Variants in SEMA3A observed in about 807,000 individuals in gnomAD.
SEMA3A encodes the protein semaphorin 3A.
SEMA3A carries 29 observed loss-of-function variants against 97.9 expected under a neutral mutation model. The observed-to-expected ratio is 0.30, with a 90% CI of 0.22 to 0.40. The LOEUF (loss-of-function observed/expected upper bound fraction) is 0.40. Ranked by LOEUF, SEMA3A falls within the 10% of genes least tolerant of loss-of-function variation. The pLI, the probability that SEMA3A is intolerant of heterozygous loss-of-function variation, is 1.00. For missense variants in SEMA3A, 763 were observed against 951.3 expected (o/e 0.80, Z 2.60); for synonymous variants, 321 against 323.7 (o/e 0.99, Z 0.09).
intron 2 of SEMA3A, among the ~76,000 whole-genome samples, chr7:84,326,285 T>C (rs892014493): frequency 6.6e-6 from 1 of 152,150 alleles, no homozygotes; most frequent in African/African-American, 2.4e-5. Context: ...ACTAAATAAG[T>C]ATTTCTGATC....
chr7:84,017,609 T>C (rs1449129280), intron 6 of SEMA3A, among the ~76,000 whole-genome samples: 1 of 152,190 alleles, frequency 6.6e-6, no homozygotes, highest in African/African-American at 2.4e-5. Context: ...GCTGATCTCT[T>C]CCAACAATTT....
At chr7:84,274,687 C>G (rs939047071) in intron 3 of SEMA3A, among the ~76,000 whole-genome samples, 8 of 151,816 alleles carry the variant, frequency 5.3e-5, no homozygotes, top group African/African-American at 1.7e-4. Flanking sequence ...TAAAATACCC[C>G]AAAGATACGT....
At chr7:84,231,503 G>T (rs1208679680) in intron 3 of SEMA3A, among the ~76,000 whole-genome samples, 4 of 151,914 alleles carry the variant, frequency 2.6e-5, no homozygotes, top group South Asian at 2.1e-4. Context: ...TAAACAAGGT[G>T]GTAACAGCAT....
chr7:83,992,379 C>T (rs1172062662), intron 12 of SEMA3A, among the ~76,000 whole-genome samples: 1 of 138,726 alleles, frequency 7.2e-6, no homozygotes, highest in Non-Finnish European at 1.6e-5. Context: ...TGTGTTTGCT[C>T]TTGCTTTTCT....
At chr7:84,105,318 T>G (rs1275529639) in intron 4 of SEMA3A, among the ~76,000 whole-genome samples, 1 of 152,200 alleles carries the variant, frequency 6.6e-6, no homozygotes, top group African/African-American at 2.4e-5. Flanking sequence ...ACCTAGTACT[T>G]AAATAACATT....
chr7:84,326,981 A>G (rs1801789989), intron 2 of SEMA3A, among the ~76,000 whole-genome samples: 2 of 152,088 alleles, frequency 1.3e-5, no homozygotes, highest in Admixed American at 1.3e-4. Flanking sequence ...GGATCTAATT[A>G]AACTTAAGAG....
chr7:84,425,565 A>C (rs893331515), intron 1 of SEMA3A, among the ~76,000 whole-genome samples: 2 of 145,722 alleles, frequency 1.4e-5, no homozygotes, highest in Non-Finnish European at 3.0e-5. Context: ...TATTTATATG[A>C]GTATAAACAT....
intron 1 of SEMA3A, among the ~76,000 whole-genome samples, chr7:84,391,240 C>G (rs1251408100): frequency 6.6e-6 from 1 of 152,088 alleles, no homozygotes; most frequent in African/African-American, 2.4e-5. Context: ...TATGTGTCAG[C>G]AATTGATGTT....
At chr7:84,424,451 T>A (rs1804689265) in intron 1 of SEMA3A, among the ~76,000 whole-genome samples, 1 of 124,016 alleles carries the variant, frequency 8.1e-6, no homozygotes, top group South Asian at 2.3e-4. Flanking sequence ...ATATATAATA[T>A]AATAATACAA....
At chr7:84,361,825 A>C (rs1802729129) in intron 2 of SEMA3A, among the ~76,000 whole-genome samples, 2 of 152,032 alleles carry the variant, frequency 1.3e-5, no homozygotes, top group Admixed American at 1.3e-4. Flanking sequence ...AGGACTCTGC[A>C]GAGGAGACGG....
At chr7:84,336,122 T>C (rs1311258470) in intron 2 of SEMA3A, among the ~76,000 whole-genome samples, 1 of 152,098 alleles carries the variant, frequency 6.6e-6, no homozygotes, top group East Asian at 1.9e-4. Context: ...GACACCATAT[T>C]TAGAAGAATA....
chr7:84,396,107 T>C (rs1274419617), intron 1 of SEMA3A, among the ~76,000 whole-genome samples: 1 of 152,044 alleles, frequency 6.6e-6, no homozygotes, highest in African/African-American at 2.4e-5. Context: ...GAAGGCTGAA[T>C]TAAGTGTAAT....
At chr7:84,358,915 C>A (rs1802641116) in intron 2 of SEMA3A, among the ~76,000 whole-genome samples, 1 of 152,102 alleles carries the variant, frequency 6.6e-6, no homozygotes. Flanking sequence ...AATGGGAGTT[C>A]ACTCATGATT....
rs199943253 is a variant in SEMA3A, at chr7:83,981,449, C to T, written c.1524G>A (p.Gly508=). Residue 508 remains glycine, a synonymous_variant, in exon 14 of 17, where the codon GGG becomes GGA. Transcript: ENST00000265362. The part of the protein sequence containing the change: ...QQQLYIGSTA[G]VAQLPLHRCD... ...ACCGGTGTAAAGGGAGCTGGGCAAC[C>T]CCAGCCGTTGAACCAATATATAGTT... The T allele has an allele frequency of 4.3e-6, 7 of 1,612,590 alleles. No individual in the cohort carries two copies. The African/African-American group carries it at 9.3e-5, about 21-fold the overall frequency.
intron 4 of SEMA3A, among the ~76,000 whole-genome samples, chr7:84,062,670 GA>G (rs1793282384): frequency 6.6e-6 from 1 of 152,162 alleles, no homozygotes; most frequent in South Asian, 2.1e-4. Flanking sequence ...ACGGCACCTG[GA>G]AAATCCGGTC....
intron 2 of SEMA3A, among the ~76,000 whole-genome samples, chr7:84,363,805 A>T (rs1265508703): frequency 6.6e-6 from 1 of 151,820 alleles, no homozygotes; most frequent in African/African-American, 2.4e-5. Flanking sequence ...GGGAACTCTA[A>T]GCTTCCTTAA....
chr7:84,444,659 T>C (rs1805360510), intron 1 of SEMA3A, among the ~76,000 whole-genome samples: 1 of 151,804 alleles, frequency 6.6e-6, no homozygotes, highest in African/African-American at 2.4e-5. Flanking sequence ...CCTCCCGGCT[T>C]CACGCCATTC....
chr7:84,123,786 T>C (rs1241529095), intron 3 of SEMA3A, among the ~76,000 whole-genome samples: 1 of 148,680 alleles, frequency 6.7e-6, no homozygotes, highest in African/African-American at 2.5e-5. Context: ...TCTGATAACC[T>C]TATATATATA....
chr7:83,956,995 A>C lies in SEMA3A; in HGVS notation c.*4376T>G, dbSNP rs1788299220. 1 of 151,900 alleles carries C rather than the reference A, an allele frequency of 6.6e-6. No homozygotes were observed. The highest frequency in any genetic ancestry group is 2.1e-4 in the South Asian group (1 of 4,814). The allele number at this position is 151,900 out of a possible 1,614,324, so 9.4% of individuals were successfully genotyped here. On this transcript the variant is annotated 3_prime_UTR_variant, in exon 17 of 17. Transcript: ENST00000265362. ...GTCATATCGTAACTTGGTTCTTTTC[A>C]ACAGTGATTTATTGGGCTCCCTCTT...
Sources: allele counts gnomAD v4.1 joint callset (sites outside exome capture counted in the v4.1 genomes callset), GRCh38; gene constraint gnomAD v4.1.1; transcripts MANE v1.5; gene names NCBI Gene and HGNC (gene_info 2026-07-23, HGNC 2026-07-21).